Variants in CREM observed in about 807,000 individuals in gnomAD.
CREM encodes the protein cAMP responsive element modulator.
CREM carries 13 observed loss-of-function variants against 37.3 expected under a neutral mutation model. The observed-to-expected ratio is 0.35, with a 90% CI of 0.23 to 0.55. The LOEUF (loss-of-function observed/expected upper bound fraction) is 0.55, where lower values mean the gene tolerates loss of function less well. Among genes scored for constraint, CREM ranks in the 20% least tolerant of loss-of-function variants. The pLI, the probability that CREM is intolerant of heterozygous loss-of-function variation, is 0.88. For missense variants in CREM, 296 were observed against 362.3 expected, an observed-to-expected ratio of 0.82 and a Z score of 1.49; for synonymous variants, 124 against 120.2, an observed-to-expected ratio of 1.03 and a Z score of -0.21.
intron 2 of CREM, among the ~76,000 whole-genome samples, chr10:35,142,669 G>T (rs1350440280): frequency 6.6e-6 from 1 of 152,148 alleles, no homozygotes; most frequent in Non-Finnish European, 1.5e-5. Flanking sequence ...GCAGTGGCAC[G>T]ATTATGGCGC....
chr10:35,208,921 T>C (rs1161055336), intron 7 of CREM, among the ~76,000 whole-genome samples: 13 of 152,218 alleles, frequency 8.5e-5, no homozygotes, highest in Admixed American at 8.5e-4. Flanking sequence ...TCATTATCTG[T>C]TTAGCAGATT....
intron 3 of CREM, among the ~76,000 whole-genome samples, chr10:35,169,171 CTATAAAT>C (rs1334058372): frequency 6.6e-6 from 1 of 151,576 alleles, no homozygotes; most frequent in African/African-American, 2.4e-5. Context: ...GGCATTGAAT[CTATAAAT>C]TACCTTGGGC....
At chr10:35,183,377 C>T (rs977579853) in intron 5 of CREM, among the ~76,000 whole-genome samples, 7 of 152,210 alleles carry the variant, frequency 4.6e-5, no homozygotes, top group African/African-American at 1.7e-4. Flanking sequence ...TAGGCTTACA[C>T]ATTCGAAAGT....
rs143057771 is a variant in CREM, at chr10:35,146,348, G to A, written c.45-2020G>A. On this transcript the variant is annotated intron_variant, in intron 2 of 7. Coordinates refer to ENST00000685392, the MANE Select transcript of CREM (RefSeq NM_183011.2). The stretch of plus-strand genomic sequence containing the variant: ...TACTTTTAGAAAATGCTGTCTGTTG[G>A]ACCTGTGCCCTTCACCCTTCTCAAG... Among the ~76,000 whole-genome samples, 8 of 152,310 alleles carry A rather than the reference G, an allele frequency of 5.3e-5. 1 individual carries two copies. In the East Asian group the frequency reaches 1.5e-3, roughly 29 times the overall value.
chr10:35,194,097 C>CAAAAAAAAAAAAAAAAAAAAAA lies in CREM; in HGVS notation c.598+5715_598+5736dup, dbSNP rs371978117. Among the ~76,000 whole-genome samples, 45 of 25,060 alleles carry CAAAAAAAAAAAAAAAAAAAAAA rather than the reference C, an allele frequency of 1.8e-3. 3 individuals are homozygous for CAAAAAAAAAAAAAAAAAAAAAA. Among genetic ancestry groups the CAAAAAAAAAAAAAAAAAAAAAA allele is most frequent in the South Asian group, 6.0e-3 (2 of 332 alleles). 16.4% of individuals were successfully genotyped at this position (25,060 alleles called of 152,430 possible). ...GGGGGAGAATAGCGAGACTTCATCT[C>CAAAAAAAAAAAAAAAAAAAAAA]AAAAAAAAAAAAAAAAAAAAAAAAA... On this transcript the variant is annotated intron_variant, in intron 6 of 7. Transcript: ENST00000685392.
chr10:35,200,187 C>T (rs1003339606), intron 6 of CREM, among the ~76,000 whole-genome samples: 3 of 152,056 alleles, frequency 2.0e-5, no homozygotes, highest in African/African-American at 7.2e-5. Flanking sequence ...CACACCCAGC[C>T]TAAAATTGAA....
At chr10:35,154,256 A>G (rs900052722) in intron 3 of CREM, 7 of 392,008 alleles carry the variant, frequency 1.8e-5, no homozygotes, top group African/African-American at 1.2e-4. Flanking sequence ...TCTTGGTCCC[A>G]CATAGGCCTA....
chr10:35,162,354 G>A (rs998675221), intron 3 of CREM, among the ~76,000 whole-genome samples: 1 of 152,170 alleles, frequency 6.6e-6, no homozygotes, highest in African/African-American at 2.4e-5. Context: ...CTATCATACA[G>A]CATGGTGACT....
chr10:35,187,621 A>C (rs1466095476), intron 5 of CREM, among the ~76,000 whole-genome samples: 1 of 152,116 alleles, frequency 6.6e-6, no homozygotes, highest in African/African-American at 2.4e-5. Flanking sequence ...TAGCTGAATG[A>C]AGGTAGAAAT....
In CREM at chr10:35,179,435, A is replaced by G. The variant is rs554564077; in HGVS notation, c.409+159A>G. ...ATGAAAGTATATGTTAAAAAGTGAGATCTTTGTATTGACAGCTGTCATATA... is the reference window on the plus strand; with the variant it reads ...ATGAAAGTATATGTTAAAAAGTGAGGTCTTTGTATTGACAGCTGTCATATA... On this transcript the variant is annotated intron_variant, in intron 5 of 7. Transcript: ENST00000685392. The G allele has an allele frequency of 5.5e-5, 46 of 838,104 alleles. No homozygotes were observed. The African/African-American group carries it at 7.7e-4, about 14-fold the overall frequency. The allele number at this position is 838,104 out of a possible 1,614,324, so 51.9% of individuals were successfully genotyped here. A position where few individuals can be genotyped will look rare whatever the true frequency, so the allele number is the denominator to read the frequency against.
intron 1 of CREM, among the ~76,000 whole-genome samples, chr10:35,134,180 G>A (rs555569657): frequency 6.6e-6 from 1 of 151,706 alleles, no homozygotes; most frequent in South Asian, 2.1e-4. Flanking sequence ...CAGAGTAGCT[G>A]GGATTATAGG....
At chr10:35,158,817 G>GTTTTTTT (rs1491230780) in intron 3 of CREM, among the ~76,000 whole-genome samples, 13 of 65,042 alleles carry the variant, frequency 2.0e-4, no homozygotes, top group African/African-American at 5.5e-4. Flanking sequence ...TTGTTGTTTT[G>GTTTTTTT]TTTGTTTTTT....
At chr10:35,195,111 C>T in intron 6 of CREM, 1 of 1,478,902 alleles carries the variant, frequency 6.8e-7, no homozygotes. Context: ...GCTTATCCTG[C>T]ACATGCTTGC....
At chr10:35,196,787 T>G (rs144393173) in intron 6 of CREM, among the ~76,000 whole-genome samples, 30 of 152,234 alleles carry the variant, frequency 2.0e-4, no homozygotes, top group African/African-American at 7.2e-4. Flanking sequence ...AAGCCTTTCA[T>G]TCCTATTACC....
chr10:35,147,041 GTTTTTTTTTTTTTT>G (rs755346866), intron 2 of CREM, among the ~76,000 whole-genome samples: 2 of 120,988 alleles, frequency 1.7e-5, no homozygotes, highest in Admixed American at 9.1e-5. Flanking sequence ...AGTTTTTTGG[GTTTTTTTTTTTTTT>G]TTTTTTTTTT....
At chr10:35,199,777 C>G (rs1299919740) in intron 6 of CREM, among the ~76,000 whole-genome samples, 1 of 151,924 alleles carries the variant, frequency 6.6e-6, no homozygotes, top group Non-Finnish European at 1.5e-5. Flanking sequence ...TCAAAAGTCA[C>G]CTGACATTGA....
chr10:35,175,875 C>T, intron 3 of CREM: 1 of 1,564,826 alleles, frequency 6.4e-7, no homozygotes, highest in Non-Finnish European at 8.7e-7. Flanking sequence ...GGATCAGGCA[C>T]CAGAAGAGGC....
chr10:35,155,859 G>A (rs895173145), intron 3 of CREM, among the ~76,000 whole-genome samples: 9 of 151,748 alleles, frequency 5.9e-5, no homozygotes, highest in Admixed American at 5.9e-4. Context: ...TTGATCTCCT[G>A]ACCTTGTGAT....
At chr10:35,169,579 C>A (rs555741196) in intron 3 of CREM, among the ~76,000 whole-genome samples, 6 of 152,180 alleles carry the variant, frequency 3.9e-5, no homozygotes, top group African/African-American at 1.2e-4. Flanking sequence ...AATTGAATAC[C>A]CTTTATTTCT....
Sources: allele counts gnomAD v4.1 joint callset (sites outside exome capture counted in the v4.1 genomes callset), GRCh38; gene constraint gnomAD v4.1.1; transcripts MANE v1.5; gene names NCBI Gene and HGNC (gene_info 2026-07-23, HGNC 2026-07-21).